The following ELAVL4 variants were observed in gnomAD, a reference collection of about 807,000 sequenced individuals.
ELAVL4 encodes the protein ELAV-like protein 4.
Under a neutral mutation model 35.6 loss-of-function variants are expected in ELAVL4, and 1 was observed. The ratio of observed to expected loss-of-function variants is 0.03; its 90% CI spans 0.01 to 0.13. The LOEUF is 0.13. Ranked by LOEUF, ELAVL4 falls within the 10% of genes least tolerant of loss-of-function variation. The pLI, the probability that ELAVL4 is intolerant of heterozygous loss-of-function variation, is 1.00. For synonymous variants in ELAVL4, 156 were observed against 171.0 expected (o/e 0.91, Z 0.69); for missense variants, 267 against 464.9 (o/e 0.57, Z 3.91).
At chr1:50,138,101 C>T (rs1364705296) in intron 1 of ELAVL4, among the ~76,000 whole-genome samples, 1 of 152,168 alleles carries the variant, frequency 6.6e-6, no homozygotes, top group African/African-American at 2.4e-5. Flanking sequence ...TATATGCTGC[C>T]AACATGCTTA....
At position 50,193,670 on chromosome 1, in the gene ELAVL4, C is replaced by T. The variant is rs547914260; in HGVS notation, c.355-95C>T. The stretch of plus-strand genomic sequence containing the variant: ...TTTAAACTGACACCATGAGTTGTAA[C>T]GGTAGATGAGGGGCTGTCATCTTGG... On this transcript the variant is annotated intron_variant, in intron 3 of 6. Transcript: ENST00000371824. 2.0e-4 allele frequency: 283 copies of T among 1,427,850 alleles called. No homozygotes were observed. The South Asian group carries it at 2.8e-3, about 14-fold the overall frequency. The allele number at this position is 1,427,850 out of a possible 1,614,324, so 88.4% of individuals were successfully genotyped here.
At chr1:50,056,853 A>T (rs1216430791) in intron 1 of ELAVL4, among the ~76,000 whole-genome samples, 1 of 151,016 alleles carries the variant, frequency 6.6e-6, no homozygotes. Context: ...AATGGCGTGA[A>T]CCCGGGAGGC....
intron 1 of ELAVL4, chr1:50,115,285 T>A (rs1667757215): frequency 6.6e-6 from 1 of 152,116 alleles, no homozygotes; most frequent in Non-Finnish European, 1.5e-5. Flanking sequence ...AATCCTTAAA[T>A]AAATTTTGGT....
chr1:50,076,067 G>A (rs1364500702), intron 1 of ELAVL4, among the ~76,000 whole-genome samples: 3 of 152,136 alleles, frequency 2.0e-5, no homozygotes, highest in East Asian at 3.9e-4. Flanking sequence ...GGCCTCAAGC[G>A]ATTGTCCCAC....
At chr1:50,077,544 C>T (rs1664818276) in intron 1 of ELAVL4, among the ~76,000 whole-genome samples, 1 of 152,184 alleles carries the variant, frequency 6.6e-6, no homozygotes, top group Non-Finnish European at 1.5e-5. Context: ...TTTATTCAGT[C>T]TACTGAGCCA....
intron 3 of ELAVL4, among the ~76,000 whole-genome samples, chr1:50,189,609 T>C (rs1193366585): frequency 6.6e-6 from 1 of 152,154 alleles, no homozygotes; most frequent in Non-Finnish European, 1.5e-5. Flanking sequence ...CACATGTTTT[T>C]TTTGTTTGTT....
intron 1 of ELAVL4, 77 bp from the exon 2 acceptor site, chr1:50,144,880 A>C: frequency 1.9e-6 from 3 of 1,571,654 alleles, no homozygotes; most frequent in Non-Finnish European, 2.6e-6. Context: ...CTTTTCAAAA[A>C]AATTAATAAA....
chr1:50,199,050 CAA>C (rs1185348873), intron 6 of ELAVL4, among the ~76,000 whole-genome samples: 1 of 152,090 alleles, frequency 6.6e-6, no homozygotes, highest in African/African-American at 2.4e-5. Flanking sequence ...AGAAATGATA[CAA>C]GTTACAAATA....
intron 1 of ELAVL4, among the ~76,000 whole-genome samples, chr1:50,139,234 C>A (rs1672413598): frequency 6.6e-6 from 1 of 152,162 alleles, no homozygotes; most frequent in South Asian, 2.1e-4. Context: ...AGTCCTTTAT[C>A]TGGGACCTAC....
intron 1 of ELAVL4, among the ~76,000 whole-genome samples, chr1:50,069,558 A>G (rs114835974): frequency 2.9e-3 from 447 of 152,316 alleles, no homozygotes; most frequent in Non-Finnish European, 5.2e-3. Flanking sequence ...TTTTGGATGC[A>G]TAGTCTTGGT....
At chr1:50,181,434 G>A (rs1315384236) in intron 3 of ELAVL4, 1 of 152,276 alleles carries the variant, frequency 6.6e-6, no homozygotes, top group Non-Finnish European at 1.5e-5. Context: ...TCGGATTTAG[G>A]TGAATCAGAA....
chr1:50,172,757 A>T (rs548409335), intron 2 of ELAVL4, among the ~76,000 whole-genome samples: 24 of 152,298 alleles, frequency 1.6e-4, no homozygotes, highest in African/African-American at 5.8e-4. Context: ...TTCAATATCC[A>T]CATCTATAAA....
At chr1:50,128,944 C>G (rs1273229169) in intron 1 of ELAVL4, among the ~76,000 whole-genome samples, 1 of 152,000 alleles carries the variant, frequency 6.6e-6, no homozygotes, top group African/African-American at 2.4e-5. Flanking sequence ...GCTCCTTAAC[C>G]CTTAGTTTGC....
chr1:50,197,593 G>T, intron 6 of ELAVL4, 126 bp downstream of exon 6: 3 of 823,616 alleles, frequency 3.6e-6, no homozygotes, highest in Non-Finnish European at 5.3e-6. Context: ...CCACCAGCAT[G>T]TCAAATTCTT....
chr1:50,076,464 G>GGTAT (rs538992148), intron 1 of ELAVL4, among the ~76,000 whole-genome samples: 123 of 152,084 alleles, frequency 8.1e-4, no homozygotes, highest in African/African-American at 2.4e-3. Flanking sequence ...TGTTATCATA[G>GGTAT]GTATGTATGT....
intron 1 of ELAVL4, among the ~76,000 whole-genome samples, chr1:50,143,030 G>A (rs187761127): frequency 2.0e-4 from 30 of 152,148 alleles, no homozygotes; most frequent in Admixed American, 8.5e-4. Context: ...TGTATATAAA[G>A]GTAAAAAAAT....
chr1:50,156,176 T>C (rs1675709769), intron 2 of ELAVL4, among the ~76,000 whole-genome samples: 1 of 152,192 alleles, frequency 6.6e-6, no homozygotes, highest in Admixed American at 6.5e-5. Flanking sequence ...TGAGACAGAC[T>C]TCACTGAAAG....
chr1:50,116,405 T>C (rs1361243648), intron 1 of ELAVL4, among the ~76,000 whole-genome samples: 2 of 116,996 alleles, frequency 1.7e-5, no homozygotes, highest in South Asian at 2.6e-4. Flanking sequence ...GGTGTGTGTG[T>C]GTGTGTGCGT....
chr1:50,135,302 A>C (rs1360901768), intron 1 of ELAVL4, among the ~76,000 whole-genome samples: 1 of 152,152 alleles, frequency 6.6e-6, no homozygotes, highest in African/African-American at 2.4e-5. Context: ...ACAAATAAAC[A>C]AGTCATTTGT....
Sources: allele counts gnomAD v4.1 joint callset (sites outside exome capture counted in the v4.1 genomes callset), GRCh38; gene constraint gnomAD v4.1.1; transcripts MANE v1.5; gene names NCBI Gene and HGNC (gene_info 2026-07-23, HGNC 2026-07-21).